FMN1: variants seen among roughly 807,000 people sequenced by gnomAD.
FMN1 encodes the protein formin 1.
FMN1 carries 110 observed loss-of-function variants against 132.4 expected under a neutral mutation model. That is an observed-to-expected ratio of 0.83 (90% confidence interval 0.71 to 0.97). The LOEUF is 0.97. Among genes scored for constraint, FMN1 ranks in the 50% least tolerant of loss-of-function variants. The pLI, the probability that FMN1 is intolerant of heterozygous loss-of-function variation, is 0.00. For synonymous variants in FMN1, 722 were observed against 651.7 expected, an observed-to-expected ratio of 1.11 and a Z score of -1.64; for missense variants, 1,792 against 1,705.3, an observed-to-expected ratio of 1.05 and a Z score of -0.90.
chr15:32,778,227 T>A (rs986082531), intron 19 of FMN1, among the ~76,000 whole-genome samples: 15 of 142,170 alleles, frequency 1.1e-4, no homozygotes, highest in Non-Finnish European at 2.3e-4. Flanking sequence ...ATAATACATT[T>A]ATTTATATAT....
At chr15:32,920,178 C>T (rs1267408484) in intron 10 of FMN1, among the ~76,000 whole-genome samples, 3 of 152,088 alleles carry the variant, frequency 2.0e-5, no homozygotes, top group Non-Finnish European at 2.9e-5. Flanking sequence ...TTTTCTATCT[C>T]CCCTGGGACA....
At chr15:33,053,935 G>A (rs987859878) in intron 6 of FMN1, among the ~76,000 whole-genome samples, 2 of 151,880 alleles carry the variant, frequency 1.3e-5, no homozygotes, top group African/African-American at 4.8e-5. Flanking sequence ...TTTTAATGTA[G>A]ATTTCACTAC....
chr15:33,102,051 A>C (rs1046588487), intron 4 of FMN1, among the ~76,000 whole-genome samples: 1 of 152,108 alleles, frequency 6.6e-6, no homozygotes, highest in African/African-American at 2.4e-5. Context: ...TGTGTCTTCC[A>C]AACTAAGTTT....
intron 7 of FMN1, among the ~76,000 whole-genome samples, chr15:33,004,748 T>C (rs552797034): frequency 1.3e-5 from 2 of 152,224 alleles, no homozygotes; most frequent in African/African-American, 4.8e-5. Flanking sequence ...CCTATGTTTA[T>C]TGTGGCACTA....
chr15:32,901,830 A>G (rs1054433343), intron 13 of FMN1, 81 bp downstream of exon 13: 14 of 1,194,926 alleles, frequency 1.2e-5, no homozygotes, highest in Non-Finnish European at 1.6e-5. Flanking sequence ...AGGTTTCTAT[A>G]ATGGCATTAA....
chr15:33,157,569 C>G (rs150564566), intron 3 of FMN1, among the ~76,000 whole-genome samples: 1 of 152,182 alleles, frequency 6.6e-6, no homozygotes, highest in African/African-American at 2.4e-5. Flanking sequence ...CACCTACTGC[C>G]TTCTACTAAC....
chr15:32,860,225 T>TAGGAAGGGAGGG (rs1567284651), intron 16 of FMN1, among the ~76,000 whole-genome samples: 1 of 103,646 alleles, frequency 9.6e-6, no homozygotes, highest in African/African-American at 3.8e-5. Flanking sequence ...GAGGAAGAGG[T>TAGGAAGGGAGGG]AGGAAGGGAG....
At chr15:32,790,810 C>T (rs2057050479) in intron 19 of FMN1, among the ~76,000 whole-genome samples, 2 of 152,154 alleles carry the variant, frequency 1.3e-5, no homozygotes, top group Admixed American at 6.5e-5. Context: ...GGAGAATGCA[C>T]CATACAAGAC....
intron 17 of FMN1, among the ~76,000 whole-genome samples, chr15:32,809,780 C>G (rs138286892): frequency 1.3e-5 from 2 of 152,300 alleles, no homozygotes; most frequent in Non-Finnish European, 2.9e-5. Flanking sequence ...TTCCTTATCA[C>G]AGCACACAGA....
At chr15:32,810,148 C>T (rs2057823170) in intron 17 of FMN1, among the ~76,000 whole-genome samples, 1 of 152,094 alleles carries the variant, frequency 6.6e-6, no homozygotes, top group African/African-American at 2.4e-5. Flanking sequence ...AACTCCTGAC[C>T]TCAAGTGATC....
At chr15:33,121,158 G>C (rs1429347485) in intron 4 of FMN1, among the ~76,000 whole-genome samples, 1 of 152,114 alleles carries the variant, frequency 6.6e-6, no homozygotes, top group African/African-American at 2.4e-5. Flanking sequence ...TTTCTCCAAG[G>C]ACTTAGATCA....
chr15:33,102,572 T>C (rs2039335487), intron 4 of FMN1, among the ~76,000 whole-genome samples: 1 of 152,068 alleles, frequency 6.6e-6, no homozygotes, highest in African/African-American at 2.4e-5. Flanking sequence ...TCTTTCTTCT[T>C]GACAAGCAAA....
At chr15:32,992,650 T>C (rs2033506778) in intron 7 of FMN1, among the ~76,000 whole-genome samples, 1 of 152,220 alleles carries the variant, frequency 6.6e-6, no homozygotes, top group South Asian at 2.1e-4. Flanking sequence ...CTTAGATGTT[T>C]AATTCACTTT....
chr15:32,984,163 T>G lies in FMN1; in HGVS notation c.2224-14686A>C, dbSNP rs137884257. ...TTTATAAGAAAAAAAGACCTACTACTATCTTCTATTCTCAAGCCAGCTTGA... is the reference window on the plus strand; with the variant it reads ...TTTATAAGAAAAAAAGACCTACTACGATCTTCTATTCTCAAGCCAGCTTGA... On this transcript the variant is annotated intron_variant, in intron 7 of 20. Transcript: ENST00000616417. Among the ~76,000 whole-genome samples, 52 of 152,344 alleles carry G rather than the reference T, an allele frequency of 3.4e-4. No homozygotes were observed. In the East Asian group the frequency reaches 9.2e-3, roughly 27 times the overall value.
intron 6 of FMN1, among the ~76,000 whole-genome samples, chr15:33,058,073 G>A (rs2037312735): frequency 6.6e-6 from 1 of 151,926 alleles, no homozygotes; most frequent in Non-Finnish European, 1.5e-5. Flanking sequence ...GGCTGGTGGT[G>A]GAAAGGTGTG....
chr15:33,003,336 A>G (rs1474098762), intron 7 of FMN1, among the ~76,000 whole-genome samples: 1 of 152,224 alleles, frequency 6.6e-6, no homozygotes, highest in African/African-American at 2.4e-5. Context: ...TAAGCTGATA[A>G]GCAACTTCAG....
At chr15:33,110,069 C>A (rs988736927) in intron 4 of FMN1, among the ~76,000 whole-genome samples, 1 of 152,084 alleles carries the variant, frequency 6.6e-6, no homozygotes, top group Middle Eastern at 3.4e-3. Context: ...TTTGGAGAAA[C>A]AATTTGGTAA....
rs910985059 is a variant in FMN1 at position 33,127,635 on chromosome 15, T to A, written c.1867+25413A>T. On this transcript the variant is annotated intron_variant, in intron 4 of 20. Transcript: ENST00000616417. ...AAGTTAAAACACAAGTATTTTCCAA[T>A]CAAACTCAGCACCATTCCAACTGAA... is the stretch of plus-strand genomic sequence containing the variant. Among the ~76,000 whole-genome samples, 4 of 136,218 alleles carry A rather than the reference T, an allele frequency of 2.9e-5. 1 individual carries two copies. In the South Asian group the frequency reaches 9.6e-4, roughly 33 times the overall value. 89.4% of individuals were successfully genotyped at this position (136,218 alleles called of 152,430 possible). A position where few individuals can be genotyped will look rare whatever the true frequency, so the allele number is the denominator to read the frequency against.
intron 2 of FMN1, among the ~76,000 whole-genome samples, chr15:33,192,037 T>A (rs2063697): frequency 0.062 from 9,435 of 152,274 alleles, 386 homozygotes; most frequent in African/African-American, 0.12. Context: ...GTGGTCATAC[T>A]ACCAACCAGT....
Sources: allele counts gnomAD v4.1 joint callset (sites outside exome capture counted in the v4.1 genomes callset), GRCh38; gene constraint gnomAD v4.1.1; transcripts MANE v1.5; gene names NCBI Gene and HGNC (gene_info 2026-07-23, HGNC 2026-07-21).